Variants in PTPRQ observed in about 807,000 individuals in gnomAD.
PTPRQ encodes protein tyrosine phosphatase receptor type Q.
PTPRQ carries 199 observed loss-of-function variants against 246.0 expected under a neutral mutation model. The ratio of observed to expected loss-of-function variants is 0.81; its 90% CI spans 0.72 to 0.91. The LOEUF (loss-of-function observed/expected upper bound fraction) is 0.91, where lower values mean the gene tolerates loss of function less well. PTPRQ is among the 40% of genes least tolerant of loss of function. The probability of loss-of-function intolerance (pLI) is 0.00; values close to 1 mark genes in which losing one functional copy is unlikely to be tolerated. For synonymous variants in PTPRQ, 869 were observed against 853.2 expected, an observed-to-expected ratio of 1.02 and a Z score of -0.32; for missense variants, 2,624 against 2,528.4, an observed-to-expected ratio of 1.04 and a Z score of -0.81.
At chr12:80,609,287 C>T (rs566225597) in intron 27 of PTPRQ, among the ~76,000 whole-genome samples, 121 of 150,332 alleles carry the variant, frequency 8.0e-4, no homozygotes, top group African/African-American at 2.6e-3. Context: ...ATGTGTGTTT[C>T]GCCATATTAT....
intron 8 of PTPRQ, 52 bp downstream of exon 8, chr12:80,472,303 T>A: frequency 6.5e-7 from 1 of 1,536,532 alleles, no homozygotes; most frequent in Admixed American, 2.1e-5. Context: ...ATGAACTTCA[T>A]GAATTGGTAA....
intron 25 of PTPRQ, among the ~76,000 whole-genome samples, chr12:80,556,112 C>G (rs1481790764): frequency 1.3e-5 from 2 of 152,100 alleles, no homozygotes; most frequent in Non-Finnish European, 2.9e-5. Context: ...ACTGCAACTT[C>G]CGCCTCCTGG....
chr12:80,603,612 C>T (rs1898213258), intron 26 of PTPRQ, among the ~76,000 whole-genome samples: 1 of 151,460 alleles, frequency 6.6e-6, no homozygotes, highest in Non-Finnish European at 1.5e-5. Context: ...TTATTTTTTA[C>T]TTGTAAAATA....
intron 25 of PTPRQ, among the ~76,000 whole-genome samples, chr12:80,553,967 A>G (rs1896564895): frequency 6.6e-6 from 1 of 152,166 alleles, no homozygotes; most frequent in African/African-American, 2.4e-5. Context: ...ACAGAAAGAC[A>G]AACTTCATGT....
intron 17 of PTPRQ, among the ~76,000 whole-genome samples, chr12:80,513,552 G>C (rs1038599317): frequency 6.6e-6 from 1 of 152,096 alleles, no homozygotes; most frequent in East Asian, 1.9e-4. Context: ...GTGGTGTTGG[G>C]AAATGCAACA....
intron 9 of PTPRQ, among the ~76,000 whole-genome samples, chr12:80,486,167 G>A (rs1013264961): frequency 2.6e-5 from 4 of 152,094 alleles, no homozygotes; most frequent in Non-Finnish European, 4.4e-5. Context: ...AGAATTTAAT[G>A]GGTTCATGTG....
chr12:80,628,926 AAT>A (rs1899308590), intron 33 of PTPRQ, among the ~76,000 whole-genome samples: 2 of 152,062 alleles, frequency 1.3e-5, no homozygotes, highest in African/African-American at 4.8e-5. Context: ...GCCATCACAA[AAT>A]ATCATAGATG....
chr12:80,504,641 G>C (rs1894899345), intron 14 of PTPRQ, among the ~76,000 whole-genome samples: 1 of 151,762 alleles, frequency 6.6e-6, no homozygotes, highest in Non-Finnish European at 1.5e-5. Flanking sequence ...TTGTGTTGAA[G>C]TTGAGTTCCT....
intron 27 of PTPRQ, among the ~76,000 whole-genome samples, chr12:80,608,563 C>CTTATAAATTATAAAT (rs1898422672): frequency 6.7e-6 from 1 of 148,766 alleles, no homozygotes; most frequent in South Asian, 2.1e-4. Context: ...ATAAATTATA[C>CTTATAAATTATAAAT]TTATAAATTA....
chr12:80,635,018 C>G lies in PTPRQ; in HGVS notation c.5860C>G (p.Leu1954Val), dbSNP rs572561092. 6.4e-7 allele frequency: 1 copy of G among 1,551,426 alleles called. No homozygotes were observed. Among genetic ancestry groups the G allele is most frequent in the South Asian group, 1.2e-5 (1 of 84,028 alleles). The change falls in exon 35 of 45, where the codon CTG (leucine) becomes GTG (valine). Residue 1954 changes from leucine to valine, a missense_variant. Coordinates refer to ENST00000644991, the MANE Select transcript of PTPRQ (RefSeq NM_001145026.2). The stretch of plus-strand genomic sequence containing the variant: ...AGAAATTATTGACACTAAATTGAAG[C>G]TGGATCAGCTCATCACAGTGGCAGA... The part of the protein sequence containing the change: ...DAEIIDTKLK[L>V]DQLITVADLE...
At chr12:80,566,912 G>A (rs1896996508) in intron 25 of PTPRQ, among the ~76,000 whole-genome samples, 1 of 152,136 alleles carries the variant, frequency 6.6e-6, no homozygotes, top group Non-Finnish European at 1.5e-5. Context: ...GATATTTGTT[G>A]TGCATGAGAG....
intron 27 of PTPRQ, among the ~76,000 whole-genome samples, chr12:80,607,612 A>G (rs1237129395): frequency 4.0e-5 from 6 of 150,830 alleles, no homozygotes; most frequent in South Asian, 2.1e-4. Flanking sequence ...TTTCATTAAT[A>G]TGTAATTATC....
chr12:80,484,558 G>T lies in PTPRQ; in HGVS notation c.1312G>T (p.Glu438Ter). 1 of 1,550,478 alleles carries T rather than the reference G, an allele frequency of 6.4e-7. No homozygotes were observed. Among genetic ancestry groups the T allele is most frequent in the African/African-American group, 1.4e-5 (1 of 73,078 alleles). The change falls in exon 9 of 45, where the codon GAG becomes TAG. Residue 438 changes from glutamate to a stop codon, truncating the protein, a stop_gained. Transcript: ENST00000644991. LOFTEE classifies it high-confidence loss of function. Reference protein sequence around the residue: ...NQYRVKVLVPETGIILENTLL... With the variant: ...NQYRVKVLVP Reference sequence around the variant, plus strand: ...ATACCGAGTGAAAGTGCTAGTTCCAGAGACAGGAATAATTTTGGAAAATAC... The same window carrying T: ...ATACCGAGTGAAAGTGCTAGTTCCATAGACAGGAATAATTTTGGAAAATAC...
At chr12:80,530,581 C>A (rs1344310575) in intron 17 of PTPRQ, among the ~76,000 whole-genome samples, 1 of 152,030 alleles carries the variant, frequency 6.6e-6, no homozygotes, top group Admixed American at 6.6e-5. Flanking sequence ...ATATAAAAAA[C>A]CATAAATAAG....
intron 25 of PTPRQ, among the ~76,000 whole-genome samples, chr12:80,553,562 C>CA (rs1338219744): frequency 6.6e-6 from 1 of 152,146 alleles, no homozygotes; most frequent in African/African-American, 2.4e-5. Context: ...CTCACTCTCT[C>CA]ACTGCCTAGT....
chr12:80,605,502 C>G (rs1898285139), intron 27 of PTPRQ, among the ~76,000 whole-genome samples: 1 of 150,912 alleles, frequency 6.6e-6, no homozygotes, highest in South Asian at 2.1e-4. Flanking sequence ...TATATATACA[C>G]ACATACAAGT....
intron 26 of PTPRQ, among the ~76,000 whole-genome samples, chr12:80,602,469 G>A (rs2121071442): frequency 6.6e-6 from 1 of 151,826 alleles, no homozygotes. Flanking sequence ...TATAGTTCTG[G>A]AAGCTGGGAG....
At chr12:80,674,854 T>G (rs1000260168) in intron 43 of PTPRQ, among the ~76,000 whole-genome samples, 1 of 152,178 alleles carries the variant, frequency 6.6e-6, no homozygotes, top group African/African-American at 2.4e-5. Flanking sequence ...TTGTCAGGTC[T>G]GATTACATGT....
chr12:80,663,009 G>T (rs1435289296), intron 39 of PTPRQ, among the ~76,000 whole-genome samples: 7 of 151,762 alleles, frequency 4.6e-5, no homozygotes, highest in Non-Finnish European at 8.8e-5. Flanking sequence ...CATTTTACCT[G>T]GTGCTTTACC....
Sources: allele counts gnomAD v4.1 joint callset (sites outside exome capture counted in the v4.1 genomes callset), GRCh38; gene constraint gnomAD v4.1.1; transcripts MANE v1.5; gene names NCBI Gene and HGNC (gene_info 2026-07-23, HGNC 2026-07-21).